The following GRIA3 variants were observed in gnomAD, a reference collection of about 807,000 sequenced individuals.
GRIA3 encodes glutamate ionotropic receptor AMPA type subunit 3, also known as glutamate receptor 3.
A neutral mutation model predicts 63.0 loss-of-function variants in GRIA3; 3 were observed. The ratio of observed to expected loss-of-function variants is 0.05; its 90% CI spans 0.02 to 0.12. GRIA3 has a LOEUF of 0.12. GRIA3 is among the 10% of genes least tolerant of loss of function. GRIA3 has a pLI of 1.00. For synonymous variants in GRIA3, 274 were observed against 257.9 expected (o/e 1.06, Z -0.60); for missense variants, 347 against 700.9 (o/e 0.50, Z 5.70).
intron 11 of GRIA3, among the ~76,000 whole-genome samples, chrX:123,418,674 G>A (rs2045548735): frequency 8.9e-6 from 1 of 112,143 alleles, no homozygotes; most frequent in Non-Finnish European, 1.9e-5. Flanking sequence ...GGCCATTAGG[G>A]AAATGCAAAT....
At chrX:123,187,843 T>C (rs1927320463) in intron 2 of GRIA3, among the ~76,000 whole-genome samples, 1 of 111,588 alleles carries the variant, frequency 9.0e-6, no homozygotes, top group African/African-American at 3.3e-5. Flanking sequence ...TCTTGCCATG[T>C]GAAAATCTCA....
chrX:123,428,219 A>T, intron 12 of GRIA3, 80 bp downstream of exon 12: 1 of 670,559 alleles, frequency 1.5e-6, no homozygotes, highest in South Asian at 2.2e-5. Flanking sequence ...AGTGCTTTTA[A>T]GGGAGAGTTG....
At chrX:123,360,806 C>A in intron 5 of GRIA3, among the ~76,000 whole-genome samples, 1 of 103,282 alleles carries the variant, frequency 9.7e-6, no homozygotes, top group African/African-American at 3.6e-5. Flanking sequence ...CCCATCACTC[C>A]CTGCTGTCTA....
chrX:123,320,207 C>T (rs1175530406), intron 3 of GRIA3, among the ~76,000 whole-genome samples: 2 of 111,815 alleles, frequency 1.8e-5, no homozygotes, highest in Non-Finnish European at 3.8e-5. Context: ...TGAGATACCC[C>T]ATATCTACAA....
chrX:123,293,025 G>A (rs1277835236), intron 3 of GRIA3, among the ~76,000 whole-genome samples: 1 of 110,395 alleles, frequency 9.1e-6, no homozygotes, highest in Admixed American at 9.7e-5. Context: ...TAAGGGTATG[G>A]TACCTTCTGG....
chrX:123,304,210 TAACAACAAC>T, intron 3 of GRIA3, among the ~76,000 whole-genome samples: 1 of 11,981 alleles, frequency 8.3e-5, no homozygotes, highest in East Asian at 0.011. Context: ...GGCATTTCAA[TAACAACAAC>T]AATAACAACA....
At chrX:123,292,019 G>A (rs755215655) in intron 3 of GRIA3, among the ~76,000 whole-genome samples, 9 of 110,935 alleles carry the variant, frequency 8.1e-5, no homozygotes, top group African/African-American at 2.6e-4. Flanking sequence ...CTACTCCAGA[G>A]GGATAAATTA....
chrX:123,423,998 C>T (rs140680203), intron 11 of GRIA3, among the ~76,000 whole-genome samples: 156 of 111,836 alleles, frequency 1.4e-3, no homozygotes, highest in African/African-American at 4.7e-3. Context: ...ATTAACTTCA[C>T]GCCTCCTCTT....
intron 2 of GRIA3, among the ~76,000 whole-genome samples, chrX:123,190,611 G>A (rs969714779): frequency 9.0e-6 from 1 of 110,914 alleles, no homozygotes; most frequent in Non-Finnish European, 1.9e-5. Context: ...CAGCAAGAAG[G>A]GTTTGAAGGA....
chrX:123,443,958 T>C (rs1178879348), intron 12 of GRIA3, among the ~76,000 whole-genome samples: 2 of 111,332 alleles, frequency 1.8e-5, no homozygotes, highest in African/African-American at 6.5e-5. Flanking sequence ...TTGGTGTTTT[T>C]ACAGAGGTTT....
At chrX:123,486,838 C>A (rs925211822) in intron 15 of GRIA3, among the ~76,000 whole-genome samples, 3 of 112,198 alleles carry the variant, frequency 2.7e-5, no homozygotes, top group Non-Finnish European at 5.6e-5. Context: ...GATTTTACTT[C>A]TATTACTAAT....
chrX:123,300,247 A>T (rs2044713327), intron 3 of GRIA3, among the ~76,000 whole-genome samples: 1 of 108,056 alleles, frequency 9.3e-6, no homozygotes, highest in African/African-American at 3.4e-5. Flanking sequence ...TCATAGAATG[A>T]GTTAGGGAGG....
chrX:123,454,997 T>G (rs766832355), intron 12 of GRIA3, among the ~76,000 whole-genome samples: 14 of 111,901 alleles, frequency 1.3e-4, no homozygotes, highest in Non-Finnish European at 2.4e-4. Flanking sequence ...TAGCCCTTCT[T>G]GAAGTGGAAG....
chrX:123,436,733 A>G (rs904487625), intron 12 of GRIA3, among the ~76,000 whole-genome samples: 35 of 111,802 alleles, frequency 3.1e-4, no homozygotes, highest in Non-Finnish European at 1.1e-4. Context: ...GGTAATTAAC[A>G]TCACACAGGA....
At chrX:123,310,081 C>T (rs1343279370) in intron 3 of GRIA3, among the ~76,000 whole-genome samples, 3 of 112,610 alleles carry the variant, frequency 2.7e-5, no homozygotes, top group Non-Finnish European at 5.6e-5. Flanking sequence ...GCTCTTTGGG[C>T]ATGGCCAACT....
rs367681120 is a variant in GRIA3 at position 123,187,738 on chromosome X, C to A, written c.268+1748C>A. 1.4e-4 allele frequency among the ~76,000 whole-genome samples: 16 copies of A among 112,010 alleles called. No individual in the cohort carries two copies. In the East Asian group the frequency reaches 4.5e-3, roughly 31 times the overall value. On this transcript the variant is annotated intron_variant, in intron 2 of 15. Transcript: ENST00000620443. ...TTGGTTTCTCAGAAATGATTGATTT[C>A]CAAGGTTTTTGGTCCTGTTCTTATG...
chrX:123,328,606 A>C (rs1378145479), intron 4 of GRIA3, among the ~76,000 whole-genome samples: 5 of 112,186 alleles, frequency 4.5e-5, no homozygotes, highest in Non-Finnish European at 9.4e-5. Context: ...TGAGGGAAGG[A>C]CTAGATTTAT....
chrX:123,396,248 G>T (rs1469081909), intron 6 of GRIA3, among the ~76,000 whole-genome samples: 4 of 105,849 alleles, frequency 3.8e-5, no homozygotes, highest in Non-Finnish European at 7.7e-5. Flanking sequence ...TGATAAGGGA[G>T]AACAGTAGGC....
At chrX:123,241,178 C>A (rs1340297006) in intron 2 of GRIA3, among the ~76,000 whole-genome samples, 1 of 111,682 alleles carries the variant, frequency 9.0e-6, no homozygotes, top group African/African-American at 3.3e-5. Flanking sequence ...CTACCCGAAG[C>A]AGACTGACCA....
Sources: gnomAD v4.1 joint callset for allele counts (sites outside exome capture counted in the v4.1 genomes callset) on GRCh38, gnomAD v4.1.1 for gene constraint, MANE v1.5 for transcripts, NCBI Gene and HGNC (gene_info 2026-07-23, HGNC 2026-07-21) for gene names.